The following RNF146 variants were observed in gnomAD, a reference collection of about 807,000 sequenced individuals.
RNF146 encodes the protein E3 ubiquitin-protein ligase RNF146.
Under a neutral mutation model 29.7 loss-of-function variants are expected in RNF146, and 11 were observed. The observed-to-expected ratio is 0.37, with a 90% confidence interval of 0.23 to 0.61. The LOEUF (loss-of-function observed/expected upper bound fraction) is 0.61. Ranked by LOEUF, RNF146 falls within the 20% of genes least tolerant of loss-of-function variation. The pLI is 0.66. For synonymous variants in RNF146, 150 were observed against 159.7 expected (o/e 0.94, Z 0.46); for missense variants, 342 against 438.9 (o/e 0.78, Z 1.97).
rs2114481648 is a variant in RNF146 at position 127,280,215 on chromosome 6, T to G, written c.-108-16T>G. On this transcript the variant is annotated splice_polypyrimidine_tract_variant and intron_variant, in intron 1 of 2. Coordinates refer to ENST00000368314, the MANE Select transcript of RNF146 (RefSeq NM_001242850.2). ...CTGATTCTCTTGATCTTAATTACTC[T>G]TTTTTTCTTTTGCAGCACAAAGAAT... 1 of 912,602 alleles carries G rather than the reference T, an allele frequency of 1.1e-6. No homozygotes were observed. Among genetic ancestry groups the G allele is most frequent in the South Asian group, 1.6e-5 (1 of 64,344 alleles). 56.5% of individuals were successfully genotyped at this position (912,602 alleles called of 1,614,324 possible).
At position 127,287,388 on chromosome 6, in the gene RNF146, G is replaced by C; in HGVS notation, c.775G>C (p.Glu259Gln). Residue 259 changes from glutamate (E) to glutamine (Q), a missense_variant, in exon 3 of 3, where the codon GAA (glutamate) becomes CAA (glutamine). Physicochemically the swap from Glu to Gln is conservative, Grantham distance 29 (BLOSUM62 2). Coordinates refer to ENST00000368314, the MANE Select transcript of RNF146 (RefSeq NM_001242850.2). ...HLQLSGDNTA[E>Q]RSHRGEGEED... is the part of the protein sequence containing the mutation. ...ACAACTCAGTGGAGACAACACAGCT[G>C]AAAGGAGTCATAGGGGAGAAGGAGA... is the stretch of plus-strand genomic sequence containing the variant. 6.2e-7 allele frequency: 1 copy of C among 1,613,476 alleles called. No individual in the cohort carries two copies. The highest frequency in any genetic ancestry group is 1.7e-4 in the Middle Eastern group (1 of 6,056).
chr6:127,267,280 C>A (rs1033289361), intron 1 of RNF146, among the ~76,000 whole-genome samples: 1 of 152,096 alleles, frequency 6.6e-6, no homozygotes, highest in Non-Finnish European at 1.5e-5. Flanking sequence ...GAGCTGGTCT[C>A]GGTCCGGGTG....
At chr6:127,271,464 A>G (rs1457559310) in intron 1 of RNF146, among the ~76,000 whole-genome samples, 1 of 152,186 alleles carries the variant, frequency 6.6e-6, no homozygotes, top group Non-Finnish European at 1.5e-5. Flanking sequence ...TCTTCGGCAA[A>G]AGTCTAGGTA....
At chr6:127,273,028 A>G (rs1429258505) in intron 1 of RNF146, among the ~76,000 whole-genome samples, 1 of 151,716 alleles carries the variant, frequency 6.6e-6, no homozygotes, top group African/African-American at 2.4e-5. Context: ...AGACCCATCT[A>G]GGGTGTGTAC....
chr6:127,283,219 A>G (rs1779126031), intron 2 of RNF146, among the ~76,000 whole-genome samples: 1 of 151,968 alleles, frequency 6.6e-6, no homozygotes. Context: ...TTGGAATATC[A>G]CATGAAGAAT....
At chr6:127,273,361 C>T (rs919484143) in intron 1 of RNF146, among the ~76,000 whole-genome samples, 1 of 152,148 alleles carries the variant, frequency 6.6e-6, no homozygotes, top group African/African-American at 2.4e-5. Flanking sequence ...CCTCAAGTGG[C>T]ACCATATGTG....
Position 127,280,252 on chromosome 6 carries a change from G to C in RNF146, c.-87G>C, listed in dbSNP as rs576262226. 6.1e-5 allele frequency: 80 copies of C among 1,319,782 alleles called. No homozygotes were observed. Among genetic ancestry groups the C allele is most frequent in the Non-Finnish European group, 7.9e-5 (74 of 940,604 alleles). 81.8% of individuals were successfully genotyped at this position (1,319,782 alleles called of 1,614,324 possible). On this transcript the variant is annotated 5_prime_UTR_variant, in exon 2 of 3. Transcript: ENST00000368314. ...GCAGCACAAAGAATGAACCAGCAGTGGAAGAGAAAATACTGTAAGCTGGCT... is the reference window on the plus strand; with the variant it reads ...GCAGCACAAAGAATGAACCAGCAGTCGAAGAGAAAATACTGTAAGCTGGCT...
chr6:127,268,560 G>A (rs1373023556), intron 1 of RNF146, among the ~76,000 whole-genome samples: 2 of 152,162 alleles, frequency 1.3e-5, no homozygotes, highest in African/African-American at 4.8e-5. Context: ...TTGGTGCCTT[G>A]TATATCTTAA....
chr6:127,278,802 C>G, intron 1 of RNF146, among the ~76,000 whole-genome samples: 1 of 151,944 alleles, frequency 6.6e-6, no homozygotes. Flanking sequence ...TACATCCTCA[C>G]CAACACTTAT....
chr6:127,267,637 CGAA>C (rs1776848873), intron 1 of RNF146, among the ~76,000 whole-genome samples: 1 of 152,134 alleles, frequency 6.6e-6, no homozygotes, highest in Admixed American at 6.5e-5. Context: ...TTGCCTAAAA[CGAA>C]GAGAGCAATC....
At chr6:127,279,235 A>C (rs1308394400) in intron 1 of RNF146, among the ~76,000 whole-genome samples, 1 of 151,870 alleles carries the variant, frequency 6.6e-6, no homozygotes, top group African/African-American at 2.4e-5. Context: ...TTTTCTATTA[A>C]GAGTTTTATG....
At chr6:127,283,426 C>T (rs1242166242) in intron 2 of RNF146, among the ~76,000 whole-genome samples, 1 of 151,728 alleles carries the variant, frequency 6.6e-6, no homozygotes, top group African/African-American at 2.4e-5. Flanking sequence ...ACTTGCTCTA[C>T]ACAAAGGGAG....
chr6:127,286,450 C>A lies in RNF146; in HGVS notation c.3-166C>A. 1 of 783,678 alleles carries A rather than the reference C, an allele frequency of 1.3e-6. No individual in the cohort carries two copies. Among genetic ancestry groups the A allele is most frequent in the Non-Finnish European group, 2.0e-6 (1 of 512,692 alleles). 48.5% of individuals were successfully genotyped at this position (783,678 alleles called of 1,614,324 possible). A position where few individuals can be genotyped will look rare whatever the true frequency, so the allele number is the denominator to read the frequency against. ...CAAGTAGATGCTTACAAAAAATTTT[C>A]ATCGGTTGGAGAGTTTTTCCTCTAC... is the stretch of plus-strand genomic sequence containing the variant. On this transcript the variant is annotated intron_variant, in intron 2 of 2. Transcript: ENST00000368314. This position sits in a 1 kb window ranked among gnomAD's most constrained non-coding sequence, Gnocchi z 4.6.
At position 127,286,122 on chromosome 6, in the gene RNF146, T is replaced by C. The variant is rs1779481037; in HGVS notation, c.3-494T>C. The C allele has an allele frequency of 8.1e-7, 1 of 1,230,524 alleles. No homozygotes were observed. The highest frequency in any genetic ancestry group is 1.6e-5 in the African/African-American group (1 of 64,298). The allele number at this position is 1,230,524 out of a possible 1,614,324, so 76.2% of individuals were successfully genotyped here. On this transcript the variant is annotated intron_variant, in intron 2 of 2. Coordinates refer to ENST00000368314, the MANE Select transcript of RNF146 (RefSeq NM_001242850.2). This position sits in a 1 kb window ranked among gnomAD's most constrained non-coding sequence, Gnocchi z 4.6. ...GTTACCTTTATGAAGCTTTAGTGAT[T>C]ACAAAGCACTTTTTTTGTCCATTTT...
chr6:127,266,923 G>A lies in RNF146; in HGVS notation c.-111G>A, dbSNP rs906544659. ...CGAGGTGGCCGCAGCTGTGGCCGGA[G>A]AGGTGGGAGTCGGAGCGAGGCCCTC... On this transcript the variant is annotated splice_region_variant and 5_prime_UTR_variant, in exon 1 of 3. Transcript: ENST00000368314. The A allele has an allele frequency of 6.6e-6, 1 of 152,382 alleles. No individual in the cohort carries two copies. Among genetic ancestry groups the A allele is most frequent in the African/African-American group, 2.4e-5 (1 of 41,430 alleles). The allele number at this position is 152,382 out of a possible 1,614,324, so 9.4% of individuals were successfully genotyped here.
At position 127,288,505 on chromosome 6, in the gene RNF146, ATTAT is replaced by A. The variant is rs1779813320; in HGVS notation, c.*816_*819del. On this transcript the variant is annotated 3_prime_UTR_variant, in exon 3 of 3. Coordinates refer to ENST00000368314, the MANE Select transcript of RNF146 (RefSeq NM_001242850.2). Reference sequence around the variant, plus strand: ...GAAAAGTTTGATTTTTTTCTTAGAGATTATTTAAACAGAATCTATAGGCAGTGTG... The same window carrying A: ...GAAAAGTTTGATTTTTTTCTTAGAGATTAAACAGAATCTATAGGCAGTGTG... 6.0e-6 allele frequency: 1 copy of A among 166,870 alleles called. No homozygotes were observed. The highest frequency in any genetic ancestry group is 2.4e-5 in the African/African-American group (1 of 41,420). The allele number at this position is 166,870 out of a possible 1,614,324, so 10.3% of individuals were successfully genotyped here.
chr6:127,285,549 C>G (rs1215202391), intron 2 of RNF146, among the ~76,000 whole-genome samples: 1 of 44,770 alleles, frequency 2.2e-5, no homozygotes, highest in Non-Finnish European at 6.5e-5. Flanking sequence ...TTTTTTTTAC[C>G]ATGGGGAAAA....
chr6:127,279,834 CTTAG>C (rs1183996675), intron 1 of RNF146, among the ~76,000 whole-genome samples: 1 of 151,772 alleles, frequency 6.6e-6, no homozygotes, highest in Non-Finnish European at 1.5e-5. Context: ...ATTTTATTCC[CTTAG>C]TTACTTTATG....
At chr6:127,281,650 G>C (rs1778926497) in intron 2 of RNF146, among the ~76,000 whole-genome samples, 1 of 151,674 alleles carries the variant, frequency 6.6e-6, no homozygotes, top group African/African-American at 2.4e-5. Flanking sequence ...TATGTGGGAA[G>C]GCAGGGTAGG....
Sources: allele counts gnomAD v4.1 joint callset (sites outside exome capture counted in the v4.1 genomes callset), GRCh38; gene constraint gnomAD v4.1.1; non-coding constraint Gnocchi (gnomAD v3.1); transcripts MANE v1.5; gene names NCBI Gene and HGNC (gene_info 2026-07-23, HGNC 2026-07-21).